Variants in CEP128 observed in about 807,000 individuals in gnomAD.
The protein encoded by CEP128 is centrosomal protein 128, also known as centrosomal protein 128kDa.
Under a neutral mutation model 156.7 loss-of-function variants are expected in CEP128, and 132 were observed. The observed-to-expected ratio is 0.84, with a 90% confidence interval of 0.73 to 0.97. The LOEUF (loss-of-function observed/expected upper bound fraction) is 0.97. CEP128 is among the 50% of genes least tolerant of loss of function. CEP128 has a pLI of 0.00. For missense variants in CEP128, 1,252 were observed against 1,281.9 expected (o/e 0.98, Z 0.36); for synonymous variants, 469 against 448.9 (o/e 1.04, Z -0.57).
At chr14:80,540,446 G>A (rs905538684) in intron 21 of CEP128, among the ~76,000 whole-genome samples, 1 of 152,226 alleles carries the variant, frequency 6.6e-6, no homozygotes, top group African/African-American at 2.4e-5. Flanking sequence ...GGGCACCTGT[G>A]TGGCACTTTG....
chr14:80,854,554 G>A (rs1887052887), intron 9 of CEP128, among the ~76,000 whole-genome samples: 1 of 152,034 alleles, frequency 6.6e-6, no homozygotes. Flanking sequence ...CCTTTTTTTA[G>A]GGGTAAGAGA....
chr14:80,740,158 TTC>T (rs1415189910), intron 19 of CEP128, among the ~76,000 whole-genome samples: 1 of 152,134 alleles, frequency 6.6e-6, no homozygotes, highest in Non-Finnish European at 1.5e-5. Context: ...TCCTTTAGTG[TTC>T]TTTCATTACT....
chr14:80,757,159 G>A (rs894763418), intron 17 of CEP128, among the ~76,000 whole-genome samples: 16 of 152,060 alleles, frequency 1.1e-4, no homozygotes, highest in African/African-American at 3.6e-4. Context: ...TTATGTATTG[G>A]CAATAAATAT....
At chr14:80,851,665 A>C (rs1225530298) in intron 9 of CEP128, among the ~76,000 whole-genome samples, 1 of 152,112 alleles carries the variant, frequency 6.6e-6, no homozygotes, top group Non-Finnish European at 1.5e-5. Flanking sequence ...AAAATAAATA[A>C]GATAAAAACA....
chr14:80,841,058 TTTC>T (rs1223538916), intron 9 of CEP128, among the ~76,000 whole-genome samples: 1 of 152,126 alleles, frequency 6.6e-6, no homozygotes, highest in Admixed American at 6.5e-5. Flanking sequence ...CAAATATTCT[TTTC>T]TACAGATTCC....
chr14:80,795,333 C>T (rs972184007), intron 13 of CEP128, among the ~76,000 whole-genome samples: 1 of 152,224 alleles, frequency 6.6e-6, no homozygotes, highest in African/African-American at 2.4e-5. Context: ...CCTCTTCCTT[C>T]TGTGTTATCT....
At chr14:80,766,425 A>G (rs1399517993) in intron 16 of CEP128, among the ~76,000 whole-genome samples, 7 of 152,194 alleles carry the variant, frequency 4.6e-5, no homozygotes, top group African/African-American at 1.7e-4. Flanking sequence ...TTTATGTTTC[A>G]GCATGCTCTT....
At chr14:80,850,206 G>T (rs1886818355) in intron 9 of CEP128, among the ~76,000 whole-genome samples, 1 of 152,112 alleles carries the variant, frequency 6.6e-6, no homozygotes, top group African/African-American at 2.4e-5. Context: ...CTTTTTAACA[G>T]CAGAGGGTAA....
intron 19 of CEP128, among the ~76,000 whole-genome samples, chr14:80,670,982 A>C (rs140783549): frequency 3.3e-5 from 5 of 152,150 alleles, no homozygotes; most frequent in Non-Finnish European, 7.4e-5. Context: ...CTGTAAGAAA[A>C]GTATCACATT....
At chr14:80,536,935 G>T (rs993013602) in intron 21 of CEP128, among the ~76,000 whole-genome samples, 7 of 152,180 alleles carry the variant, frequency 4.6e-5, no homozygotes, top group African/African-American at 1.7e-4. Context: ...GGCTTGTTAA[G>T]TAAAAATGCT....
rs565842272 is a variant in CEP128, at chr14:80,555,319, TA to T, written c.2880+3959del. 4.6e-3 allele frequency among the ~76,000 whole-genome samples: 697 copies of T among 152,264 alleles called. 29 individuals carry two copies. The highest frequency in any genetic ancestry group is 0.044 in the Admixed American group (668 of 15,292). On this transcript the variant is annotated intron_variant, in intron 21 of 24. Coordinates refer to ENST00000555265, the MANE Select transcript of CEP128 (RefSeq NM_152446.5). ...TGTGCTCTTATTGTCTTTCAGTTTT[TA>T]TAACTTTATGAGTTGCAGACAACTG...
chr14:80,507,649 A>G (rs1888041848), intron 23 of CEP128, among the ~76,000 whole-genome samples: 1 of 152,216 alleles, frequency 6.6e-6, no homozygotes, highest in Non-Finnish European at 1.5e-5. Flanking sequence ...AGGGGAAAGC[A>G]AACACACACT....
At chr14:80,887,306 C>T (rs1009357005) in intron 8 of CEP128, among the ~76,000 whole-genome samples, 6 of 152,178 alleles carry the variant, frequency 3.9e-5, no homozygotes, top group African/African-American at 1.4e-4. Context: ...ACTCTCCACC[C>T]TAAATCAACA....
At chr14:80,555,659 A>G (rs1890401533) in intron 21 of CEP128, among the ~76,000 whole-genome samples, 1 of 152,102 alleles carries the variant, frequency 6.6e-6, no homozygotes, top group Admixed American at 6.6e-5. Flanking sequence ...TTACTGCCTT[A>G]GACTTCGATA....
At chr14:80,867,281 G>A (rs1887812439) in intron 8 of CEP128, among the ~76,000 whole-genome samples, 1 of 152,198 alleles carries the variant, frequency 6.6e-6, no homozygotes, top group Admixed American at 6.5e-5. Flanking sequence ...ATAAAGGGAT[G>A]ATTCATGTGC....
chr14:80,764,433 A>C (rs1355774770), intron 16 of CEP128, among the ~76,000 whole-genome samples: 3 of 151,418 alleles, frequency 2.0e-5, no homozygotes, highest in African/African-American at 7.3e-5. Flanking sequence ...CGGGAAGCAG[A>C]GCTTGCAGTG....
chr14:80,562,164 G>A (rs1017336648), intron 20 of CEP128, among the ~76,000 whole-genome samples: 3 of 151,774 alleles, frequency 2.0e-5, no homozygotes, highest in Non-Finnish European at 4.4e-5. Flanking sequence ...CTGACCTCGT[G>A]ATCCACCCGT....
chr14:80,654,241 T>A (rs1265485718), intron 19 of CEP128, among the ~76,000 whole-genome samples: 1 of 151,946 alleles, frequency 6.6e-6, no homozygotes, highest in Admixed American at 6.6e-5. Flanking sequence ...CACTGGCTGG[T>A]ACTTATTATT....
chr14:80,590,575 A>C (rs1275417238), intron 19 of CEP128, among the ~76,000 whole-genome samples: 2 of 152,130 alleles, frequency 1.3e-5, no homozygotes, highest in African/African-American at 4.8e-5. Flanking sequence ...TATTGTCATC[A>C]GACCTATCCT....
Sources: gnomAD v4.1 joint callset for allele counts (sites outside exome capture counted in the v4.1 genomes callset) on GRCh38, gnomAD v4.1.1 for gene constraint, MANE v1.5 for transcripts, NCBI Gene and HGNC (gene_info 2026-07-23, HGNC 2026-07-21) for gene names.